Variants in TRPM5 observed in about 807,000 individuals in gnomAD.
TRPM5 encodes transient receptor potential cation channel subfamily M member 5.
In TRPM5, 121 loss-of-function variants were observed where a neutral mutation model predicts 124.9. The observed-to-expected ratio is 0.97, with a 90% CI of 0.84 to 1.13. The LOEUF is 1.13. Among genes scored for constraint, TRPM5 ranks in the 50% most tolerant of loss-of-function variants. The pLI is 0.00. For synonymous variants in TRPM5, 781 were observed against 700.5 expected (o/e 1.11, Z -1.81); for missense variants, 1,643 against 1,589.1 (o/e 1.03, Z -0.58).
chr11:2,417,806 C>T, exon 7 of TRPM5: 1 of 1,529,634 alleles, frequency 6.5e-7, no homozygotes. Context: ...TGAGCAGGTG[C>T]TGGTGTGAGG....
exon 14 of TRPM5, chr11:2,413,188 T>C: frequency 6.4e-7 from 1 of 1,551,894 alleles, no homozygotes; most frequent in Non-Finnish European, 8.7e-7. Flanking sequence ...GTCCAGGTCC[T>C]GCAGGTCCTC....
the TRPM5 span, among the ~76,000 whole-genome samples, chr11:2,437,685 A>C: frequency 6.6e-6 from 1 of 152,020 alleles, no homozygotes; most frequent in Non-Finnish European, 1.5e-5. This position sits in a 1 kb window ranked among gnomAD's most constrained non-coding sequence, Gnocchi z 5.6. Context: ...AGTACACTAA[A>C]ATGCAGATTC....
At chr11:2,407,088 C>T (rs762497716) in intron 20 of TRPM5, 31 bp downstream of exon 25, 5 of 1,039,700 alleles carry the variant, frequency 4.8e-6, no homozygotes, top group Admixed American at 2.5e-5. Context: ...CTCGGCCTCA[C>T]CCAGGTGCTC....
intron 21 of TRPM5, among the ~76,000 whole-genome samples, chr11:2,406,438 C>T (rs993564494): frequency 1.3e-5 from 2 of 152,136 alleles, no homozygotes; most frequent in African/African-American, 4.8e-5. Flanking sequence ...GCAGGGAGGG[C>T]GCCACGGTCA....
intron 13 of TRPM5, 50 bp from the exon 19 acceptor site, chr11:2,413,276 C>T: frequency 6.7e-7 from 1 of 1,484,256 alleles, no homozygotes; most frequent in Non-Finnish European, 9.0e-7. Context: ...CCCAGAGGCG[C>T]CTGCCTGGCT....
intron 4 of TRPM5, among the ~76,000 whole-genome samples, chr11:2,418,986 C>A (rs1845729118): frequency 6.6e-6 from 1 of 152,106 alleles, no homozygotes; most frequent in Non-Finnish European, 1.5e-5. Context: ...ACTCAGCAAA[C>A]TGAAGAGGTA....
At chr11:2,444,460 C>T in the TRPM5 span, among the ~76,000 whole-genome samples, 60 of 151,232 alleles carry the variant, frequency 4.0e-4, no homozygotes, top group Non-Finnish European at 7.4e-4. Flanking sequence ...CTGGGGTCCT[C>T]CTCCGGGCCA....
rs562806466 is a variant in TRPM5, at chr11:2,404,824, T to A, written c.*113A>T. 513 of 811,614 alleles carry A rather than the reference T, an allele frequency of 6.3e-4. 6 individuals are homozygous for A. The South Asian group carries it at 8.0e-3, about 13-fold the overall frequency. The allele number at this position is 811,614 out of a possible 1,614,324, so 50.3% of individuals were successfully genotyped here. On this transcript the variant is annotated 3_prime_UTR_variant, in exon 24 of 24. Transcript: ENST00000155858. ...AGGCACCAGGAGGGCCATTGTCTGC[T>A]GGGGGGCTGGTGCCCCCTGGGGGGT... is the stretch of plus-strand genomic sequence containing the variant.
chr11:2,415,022 G>A (rs758353512), exon 10 of TRPM5: 31 of 1,603,400 alleles, frequency 1.9e-5, no homozygotes, highest in Non-Finnish European at 2.3e-5. Flanking sequence ...CTTCTGGCCC[G>A]TGGGCCGCTT....
intron 7 of TRPM5, among the ~76,000 whole-genome samples, chr11:2,417,281 C>G (rs1007708403): frequency 2.0e-5 from 3 of 152,170 alleles, no homozygotes; most frequent in Non-Finnish European, 2.9e-5. Context: ...GAAACCCCGT[C>G]TCTACTAAAA....
upstream of TRPM5, among the ~76,000 whole-genome samples, chr11:2,427,540 G>A (rs560700914): frequency 2.2e-4 from 34 of 152,336 alleles, no homozygotes; most frequent in African/African-American, 6.5e-4. Flanking sequence ...CCACACGGCC[G>A]AGCCCACAGG....
the TRPM5 span, among the ~76,000 whole-genome samples, chr11:2,437,238 G>C: frequency 6.6e-6 from 1 of 152,230 alleles, no homozygotes; most frequent in Non-Finnish European, 1.5e-5. The surrounding 1 kb of genome is among the most constrained non-coding windows in gnomAD (Gnocchi z 5.6). Flanking sequence ...TCCCTGGCTG[G>C]TTCCCAGCTT....
intron 8 of TRPM5, 87 bp from the exon 14 acceptor site, chr11:2,415,558 G>T: frequency 1.1e-6 from 1 of 928,752 alleles, no homozygotes; most frequent in Non-Finnish European, 1.6e-6. Flanking sequence ...AGAGAGCAGG[G>T]AGCATGGGGA....
the TRPM5 span, among the ~76,000 whole-genome samples, chr11:2,438,821 A>G: frequency 6.6e-6 from 1 of 152,238 alleles, no homozygotes; most frequent in East Asian, 1.9e-4. The surrounding 1 kb of genome is among the most constrained non-coding windows in gnomAD (Gnocchi z 5.9). Flanking sequence ...AGAATTAGAA[A>G]AACTACTCTA....
the TRPM5 span, among the ~76,000 whole-genome samples, chr11:2,435,052 C>T: frequency 2.0e-3 from 309 of 152,256 alleles, 2 homozygotes; most frequent in African/African-American, 7.2e-3. This position sits in a 1 kb window ranked among gnomAD's most constrained non-coding sequence, Gnocchi z 4.1. Flanking sequence ...CCTCCCACCT[C>T]GGCCTCCCAC....
chr11:2,421,021 T>C lies in TRPM5; in HGVS notation c.465+11A>G, dbSNP rs1269402090. 6.5e-7 allele frequency: 1 copy of C among 1,534,776 alleles called. No individual in the cohort carries two copies. Among genetic ancestry groups the C allele is most frequent in the Admixed American group, 2.0e-5 (1 of 50,126 alleles). On this transcript the variant is annotated intron_variant, in intron 3 of 23. Coordinates refer to ENST00000155858, the Ensembl canonical transcript of TRPM5. Reference sequence around the variant, plus strand: ...CCCCAGCGGTCGTGGTGCTGGGAGCTGGACGTGCACCTGGGCCTCCTCCAG... The same window carrying C: ...CCCCAGCGGTCGTGGTGCTGGGAGCCGGACGTGCACCTGGGCCTCCTCCAG...
the TRPM5 span, among the ~76,000 whole-genome samples, chr11:2,434,272 G>A: frequency 1.3e-5 from 2 of 150,674 alleles, no homozygotes; most frequent in Admixed American, 1.3e-4. Flanking sequence ...CGTCTGTGTG[G>A]ACACTGTGTG....
chr11:2,443,913 A>T, the TRPM5 span, among the ~76,000 whole-genome samples: 1 of 148,680 alleles, frequency 6.7e-6, no homozygotes. The surrounding 1 kb of genome is among the most constrained non-coding windows in gnomAD (Gnocchi z 5.0). Flanking sequence ...TTCCGATGTG[A>T]CCAACCCACC....
rs777324137 is a variant in TRPM5 at position 2,422,908 on chromosome 11, G to A, written c.117+12C>T. On this transcript the variant is annotated intron_variant, in intron 1 of 23. Transcript: ENST00000155858. ...AGGCGGACATCACCTGAGGCCTGGG[G>A]CCTGCCCTTACCTTGCCTCGCTTCT... 5 of 1,608,366 alleles carry A rather than the reference G, an allele frequency of 3.1e-6. No homozygotes were observed. In the Admixed American group the frequency reaches 8.3e-5, roughly 27 times the overall value.
Sources: allele counts gnomAD v4.1 joint callset (sites outside exome capture counted in the v4.1 genomes callset), GRCh38; gene constraint gnomAD v4.1.1; non-coding constraint Gnocchi (gnomAD v3.1); transcripts MANE v1.5; gene names NCBI Gene and HGNC (gene_info 2026-07-23, HGNC 2026-07-21).